The following MGP variants were observed in gnomAD, a reference collection of about 807,000 sequenced individuals.
MGP encodes matrix Gla protein.
A neutral mutation model predicts 14.5 loss-of-function variants in MGP; 13 were observed. The observed-to-expected ratio is 0.89, with a 90% CI of 0.58 to 1.42. The LOEUF (loss-of-function observed/expected upper bound fraction) is 1.42. Ranked by LOEUF, MGP falls within the 40% of genes most tolerant of loss-of-function variation. The pLI is 0.00. For synonymous variants in MGP, 44 were observed against 46.3 expected, an observed-to-expected ratio of 0.95 and a Z score of 0.20; for missense variants, 128 against 133.7, an observed-to-expected ratio of 0.96 and a Z score of 0.21.
At chr12:14,882,367 C>A in intron 3 of MGP, 87 bp from the exon 4 acceptor site, 7 of 1,447,318 alleles carry the variant, frequency 4.8e-6, no homozygotes, top group Non-Finnish European at 6.8e-6. Flanking sequence ...ATTGGAGAGA[C>A]TTTCTCTCCA....
At chr12:14,884,313 A>T in intron 1 of MGP, 68 bp from the exon 2 acceptor site, 1 of 1,072,430 alleles carries the variant, frequency 9.3e-7, no homozygotes, top group Non-Finnish European at 1.3e-6. Context: ...ATTATTTATC[A>T]ATTTAGACAC....
intron 1 of MGP, among the ~76,000 whole-genome samples, chr12:14,884,628 G>A (rs1863418872): frequency 6.6e-6 from 1 of 152,192 alleles, no homozygotes; most frequent in South Asian, 2.1e-4. Flanking sequence ...GCCTGTTTGA[G>A]AACAGGGTCA....
At position 14,882,191 on chromosome 12, in the gene MGP, C is replaced by T; in HGVS notation, c.260G>A (p.Gly87Glu). The T allele has an allele frequency of 6.2e-7, 1 of 1,614,028 alleles. No individual in the cohort carries two copies. Among genetic ancestry groups the T allele is most frequent in the Non-Finnish European group, 8.5e-7 (1 of 1,179,976 alleles). The change falls in exon 4 of 4, where the codon GGA (glycine) becomes GAA (glutamate). Residue 87 changes from glycine (G) to glutamate (E), a missense_variant. By Grantham distance (98) the Gly-to-Glu change is moderately conservative. Coordinates refer to ENST00000539261, the MANE Select transcript of MGP (RefSeq NM_000900.5). ...GTAGCGATTATAGGCAGCATTGTATCCATAAACCATGGCGTAGCGTTCGCA... is the reference window on the plus strand; with the variant it reads ...GTAGCGATTATAGGCAGCATTGTATTCATAAACCATGGCGTAGCGTTCGCA... ...RLCERYAMVY[G>E]YNAAYNRYFR...
At chr12:14,884,917 G>T in intron 1 of MGP, 1 of 1,517,526 alleles carries the variant, frequency 6.6e-7, no homozygotes, top group South Asian at 1.2e-5. Flanking sequence ...TTTGGAATAA[G>T]AAGCTTCTAT....
intron 2 of MGP, chr12:14,883,917 C>T (rs1863410554): frequency 3.8e-6 from 1 of 263,374 alleles, no homozygotes; most frequent in African/African-American, 2.2e-5. Flanking sequence ...TTTGTCATTA[C>T]TCCTCGTTTT....
intron 3 of MGP, 22 bp from the exon 4 acceptor site, chr12:14,882,302 C>T: frequency 6.2e-7 from 1 of 1,613,360 alleles, no homozygotes; most frequent in African/African-American, 1.3e-5. Flanking sequence ...AAGAAGAGGC[C>T]AAAATTGAGA....
At chr12:14,882,827 T>C (rs1373385996) in intron 3 of MGP, 145 bp downstream of exon 3, 3 of 680,852 alleles carry the variant, frequency 4.4e-6, no homozygotes, top group South Asian at 3.3e-5. Context: ...TTCAGTTGTT[T>C]TCTGAATATT....
At chr12:14,884,841 A>T in intron 1 of MGP, 1 of 1,535,030 alleles carries the variant, frequency 6.5e-7, no homozygotes, top group Non-Finnish European at 8.7e-7. Context: ...TCAGAGAGAG[A>T]ACTGAAACGA....
Position 14,882,240 on chromosome 12 carries a change from C to A in MGP, c.211G>T (p.Glu71Ter), listed in dbSNP as rs143099272. 4 of 1,614,088 alleles carry A rather than the reference C, an allele frequency of 2.5e-6. No individual in the cohort carries two copies. Among genetic ancestry groups the A allele is most frequent in the Non-Finnish European group, 3.4e-6 (4 of 1,179,986 alleles). Residue 71 changes from glutamate to a stop codon, truncating the protein, a stop_gained, in exon 4 of 4, where the codon GAA (glutamate) becomes TAA (stop). Coordinates refer to ENST00000539261, the MANE Select transcript of MGP (RefSeq NM_000900.5). LOFTEE classifies it high-confidence loss of function. Reference sequence around the variant, plus strand: ...CAAAGTCTGTAGTCATCACAGGCTTCCCTATTGAGCTCGTGGACAGGCTTA... The same window carrying A: ...CAAAGTCTGTAGTCATCACAGGCTTACCTATTGAGCTCGTGGACAGGCTTA... ...RSKPVHELNR[E>*]ACDDYRLCER... is the part of the protein sequence containing the mutation.
At chr12:14,884,899 A>C in intron 1 of MGP, 1 of 1,530,122 alleles carries the variant, frequency 6.5e-7, no homozygotes, top group Non-Finnish European at 8.7e-7. Flanking sequence ...TGAGCACAGC[A>C]GATAAATTTT....
Position 14,882,094 on chromosome 12 carries a change from G to A in MGP, c.*45C>T. 6.2e-7 allele frequency: 1 copy of A among 1,610,560 alleles called. No individual in the cohort carries two copies. Among genetic ancestry groups the A allele is most frequent in the Non-Finnish European group, 8.5e-7 (1 of 1,176,976 alleles). On this transcript the variant is annotated 3_prime_UTR_variant, in exon 4 of 4. Coordinates refer to ENST00000539261, the MANE Select transcript of MGP (RefSeq NM_000900.5). ...CTGCTACAGGGGGATACAAAATCAG[G>A]TGCCAGCCTCCAGAAAAAAAGAGAT...
At position 14,881,985 on chromosome 12, in the gene MGP, T is replaced by G; in HGVS notation, c.*154A>C. On this transcript the variant is annotated 3_prime_UTR_variant, in exon 4 of 4. Transcript: ENST00000539261. ...AGTGCACTTTCATTACTTATCAATC[T>G]GGGGGCGGGAAAAAGGGGTGCAGCC... The G allele has an allele frequency of 6.6e-6, 6 of 905,954 alleles. No homozygotes were observed. Among genetic ancestry groups the G allele is most frequent in the Non-Finnish European group, 8.7e-6 (5 of 574,338 alleles). 56.1% of individuals were successfully genotyped at this position (905,954 alleles called of 1,614,324 possible). A position where few individuals can be genotyped will look rare whatever the true frequency, so the allele number is the denominator to read the frequency against.
rs531889747 is a variant in MGP, at chr12:14,884,861, C to T, written c.62-616G>A. On this transcript the variant is annotated intron_variant, in intron 1 of 3. Transcript: ENST00000539261. Reference sequence around the variant, plus strand: ...GAGAGAACTGAAACGATATCAAAGCCGAAGTTTTCTTCTTTCTGCCACTCT... The same window carrying T: ...GAGAGAACTGAAACGATATCAAAGCTGAAGTTTTCTTCTTTCTGCCACTCT... 29 of 1,534,928 alleles carry T rather than the reference C, an allele frequency of 1.9e-5. 1 individual carries two copies. The Middle Eastern group carries it at 5.0e-4, about 27-fold the overall frequency.
At chr12:14,883,294 G>A (rs1280677138) in intron 2 of MGP, 4 of 460,788 alleles carry the variant, frequency 8.7e-6, no homozygotes, top group Non-Finnish European at 1.2e-5. Flanking sequence ...GAGTTTGGAC[G>A]ATCACTTTGC....
chr12:14,883,281 T>C (rs1185746361), intron 2 of MGP: 1 of 488,360 alleles, frequency 2.0e-6, no homozygotes. Context: ...CTTTGTTGGT[T>C]TTGAGTTTGG....
chr12:14,885,652 G>A (rs1863430453), intron 1 of MGP, 79 bp downstream of exon 1: 1 of 1,003,456 alleles, frequency 1.0e-6, no homozygotes, highest in Non-Finnish European at 1.6e-6. Flanking sequence ...AGAAGAGGAG[G>A]AGGGAGAGGA....
At chr12:14,882,801 A>G (rs527495622) in intron 3 of MGP, among the ~76,000 whole-genome samples, 171 bp downstream of exon 3, 6 of 151,702 alleles carry the variant, frequency 4.0e-5, no homozygotes, top group South Asian at 2.1e-4. Context: ...TCTTTCCCCA[A>G]ATAATTTTCT....
In MGP at chr12:14,880,909, A is replaced by T. The variant is rs1263590788; in HGVS notation, c.*1230T>A. ...GTATACACAGTGGAACAAAGGTAAG[A>T]ATTACAACAAATTTTATATCGAAAA... On this transcript the variant is annotated 3_prime_UTR_variant, in exon 4 of 4. Transcript: ENST00000539261. 1.3e-5 allele frequency among the ~76,000 whole-genome samples: 2 copies of T among 152,248 alleles called. No individual in the cohort carries two copies. The highest frequency in any genetic ancestry group is 2.9e-5 in the Non-Finnish European group (2 of 68,044).
At position 14,881,517 on chromosome 12, in the gene MGP, T is replaced by A. The variant is rs1025466267; in HGVS notation, c.*622A>T. 6.5e-6 allele frequency: 1 copy of A among 153,532 alleles called. No homozygotes were observed. Among genetic ancestry groups the A allele is most frequent in the African/African-American group, 2.4e-5 (1 of 41,456 alleles). The allele number at this position is 153,532 out of a possible 1,614,324, so 9.5% of individuals were successfully genotyped here. On this transcript the variant is annotated 3_prime_UTR_variant, in exon 4 of 4. Transcript: ENST00000539261. ...AACTATTATTGACAGTTTTTGCCAA[T>A]TGCTTTTATTTGTCCCTTCTGCTTT...
Sources: allele counts gnomAD v4.1 joint callset (sites outside exome capture counted in the v4.1 genomes callset), GRCh38; gene constraint gnomAD v4.1.1; transcripts MANE v1.5; gene names NCBI Gene and HGNC (gene_info 2026-07-23, HGNC 2026-07-21).